RPIA: variants seen among roughly 807,000 people sequenced by gnomAD.
RPIA encodes ribose 5-phosphate isomerase A, also known as ribose-5-phosphate isomerase.
In RPIA, 29 loss-of-function variants were observed where a neutral mutation model predicts 37.8. The observed-to-expected ratio is 0.77, with a 90% CI of 0.57 to 1.05. RPIA has a LOEUF of 1.05. Among genes scored for constraint, RPIA ranks in the 50% least tolerant of loss-of-function variants. RPIA has a pLI of 0.00. For synonymous variants in RPIA, 167 were observed against 157.0 expected, an observed-to-expected ratio of 1.06 and a Z score of -0.48; for missense variants, 385 against 413.6, an observed-to-expected ratio of 0.93 and a Z score of 0.60.
intron 8 of RPIA, among the ~76,000 whole-genome samples, chr2:88,744,751 C>G (rs1673421825): frequency 6.6e-6 from 1 of 151,964 alleles, no homozygotes; most frequent in Non-Finnish European, 1.5e-5. Flanking sequence ...ATATAATGTT[C>G]CTCTTTGTCT....
intron 7 of RPIA, 51 bp from the exon 8 acceptor site, chr2:88,737,926 T>C (rs765936895): frequency 7.3e-7 from 1 of 1,377,744 alleles, no homozygotes; most frequent in South Asian, 1.2e-5. Flanking sequence ...CCTGTCCTTC[T>C]CTGCCTACCT....
At position 88,691,730 on chromosome 2, in the gene RPIA, A is replaced by G; in HGVS notation, c.32A>G (p.Tyr11Cys). 3.1e-6 allele frequency: 5 copies of G among 1,593,668 alleles called. No homozygotes were observed. The highest frequency in any genetic ancestry group is 4.3e-6 in the Non-Finnish European group (5 of 1,175,186). ...CGCCCCGGGCCCTTCAGCACCCTCT[A>G]CGGGCGGGTCTTGGCCCCGCTGCCC... MQRPGPFSTL[Y>C]GRVLAPLPGR... Residue 11 changes from tyrosine (Y) to cysteine (C), a missense_variant, in exon 1 of 9, where the codon TAC (tyrosine) becomes TGC (cysteine). Physicochemically the swap from Tyr to Cys is radical, Grantham distance 194. Coordinates refer to ENST00000283646, the MANE Select transcript of RPIA (RefSeq NM_144563.3).
At chr2:88,705,475 A>G (rs1018567257) in intron 3 of RPIA, among the ~76,000 whole-genome samples, 4 of 152,232 alleles carry the variant, frequency 2.6e-5, no homozygotes. Context: ...TCCCTATTTA[A>G]TAAATGGTGC....
intron 3 of RPIA, among the ~76,000 whole-genome samples, chr2:88,726,850 C>G (rs999546665): frequency 2.0e-5 from 3 of 152,152 alleles, no homozygotes; most frequent in Non-Finnish European, 4.4e-5. Flanking sequence ...TCAGATGATC[C>G]TCCTGCCTCA....
intron 3 of RPIA, among the ~76,000 whole-genome samples, chr2:88,720,996 A>G (rs904251782): frequency 6.6e-6 from 1 of 152,232 alleles, no homozygotes; most frequent in African/African-American, 2.4e-5. Context: ...CTGGATAAAG[A>G]AAATGTGGCA....
At chr2:88,721,544 TACACAC>T (rs748522109) in intron 3 of RPIA, among the ~76,000 whole-genome samples, 230 of 82,898 alleles carry the variant, frequency 2.8e-3, no homozygotes, top group African/African-American at 4.1e-3. Flanking sequence ...ATATATATTA[TACACAC>T]ACACACACAC....
chr2:88,715,214 G>A (rs992700817), intron 3 of RPIA, among the ~76,000 whole-genome samples: 1 of 152,226 alleles, frequency 6.6e-6, no homozygotes, highest in African/African-American at 2.4e-5. Context: ...ATGGGTTGAA[G>A]TGTGGAGATG....
intron 1 of RPIA, among the ~76,000 whole-genome samples, chr2:88,692,387 GA>G (rs1676948676): frequency 6.6e-6 from 1 of 152,180 alleles, no homozygotes; most frequent in Admixed American, 6.5e-5. Context: ...GAAGCCGGCG[GA>G]GAGTTGGTTT....
chr2:88,714,112 T>A (rs1673002190), intron 3 of RPIA, among the ~76,000 whole-genome samples: 2 of 152,088 alleles, frequency 1.3e-5, no homozygotes, highest in South Asian at 2.1e-4. Flanking sequence ...TATTGTTGGA[T>A]TGTTTGGTCT....
rs577973222 is a variant in RPIA, at chr2:88,705,354, G to A, written c.402+5290G>A. ...CAATAACTAAAACAGCATGGTACTG[G>A]TACAGCAGACACACAGACCAATGGA... On this transcript the variant is annotated intron_variant, in intron 3 of 8. Coordinates refer to ENST00000283646, the MANE Select transcript of RPIA (RefSeq NM_144563.3). 3.9e-5 allele frequency among the ~76,000 whole-genome samples: 6 copies of A among 152,246 alleles called. No homozygotes were observed. In the South Asian group the frequency reaches 1.2e-3, roughly 32 times the overall value.
chr2:88,710,787 T>C (rs1328408283), intron 3 of RPIA, among the ~76,000 whole-genome samples: 1 of 152,202 alleles, frequency 6.6e-6, no homozygotes, highest in Non-Finnish European at 1.5e-5. Flanking sequence ...TTTAAATGTC[T>C]CTCCTCCCTT....
chr2:88,698,888 G>C (rs981658104), intron 2 of RPIA, among the ~76,000 whole-genome samples: 5 of 152,252 alleles, frequency 3.3e-5, no homozygotes, highest in Non-Finnish European at 7.3e-5. Context: ...TCCTCAGGCA[G>C]ATAATTGAGG....
intron 1 of RPIA, 51 bp downstream of exon 1, chr2:88,692,034 G>T: frequency 6.5e-7 from 1 of 1,530,396 alleles, no homozygotes; most frequent in South Asian, 1.2e-5. Context: ...GGCGTGATGG[G>T]CTACTGTTGC....
chr2:88,703,366 C>T (rs1292207915), intron 3 of RPIA, among the ~76,000 whole-genome samples: 1 of 152,240 alleles, frequency 6.6e-6, no homozygotes, highest in Non-Finnish European at 1.5e-5. Context: ...CCCACTCCTG[C>T]AGCAAACTTC....
intron 3 of RPIA, among the ~76,000 whole-genome samples, chr2:88,720,475 A>T (rs1296437208): frequency 6.6e-6 from 1 of 152,090 alleles, no homozygotes; most frequent in African/African-American, 2.4e-5. Context: ...TGAGCTGAAA[A>T]TGAGTTGGAG....
At position 88,715,391 on chromosome 2, in the gene RPIA, T is replaced by G. The variant is rs570730264; in HGVS notation, c.403-13887T>G. Among the ~76,000 whole-genome samples, 6 of 152,320 alleles carry G rather than the reference T, an allele frequency of 3.9e-5. No individual in the cohort carries two copies. The East Asian group carries it at 1.2e-3, about 29-fold the overall frequency. On this transcript the variant is annotated intron_variant, in intron 3 of 8. Transcript: ENST00000283646. ...AATCATAAGCAATTCTTAAAAGCCT[T>G]ATGATTCTAATTAATGTCAGAGATC...
intron 8 of RPIA, among the ~76,000 whole-genome samples, chr2:88,740,914 A>G (rs1196959764): frequency 6.6e-6 from 1 of 152,160 alleles, no homozygotes; most frequent in Admixed American, 6.5e-5. Context: ...CATCTTTGGA[A>G]GGATCCAGTT....
Position 88,729,238 on chromosome 2 carries a change from C to G in RPIA, c.403-40C>G, listed in dbSNP as rs774389187. ...ATTCTGAGAATCCTTGTCATGAACT[C>G]AAGTAAATGATCGTGGTTGCTCTTC... On this transcript the variant is annotated intron_variant, in intron 3 of 8. Transcript: ENST00000283646. 46 of 1,602,518 alleles carry G rather than the reference C, an allele frequency of 2.9e-5. No homozygotes were observed. The Middle Eastern group carries it at 4.9e-4, about 17-fold the overall frequency.
Position 88,698,522 on chromosome 2 carries a change from T to A in RPIA, c.324T>A (p.Ile108=). The change falls in exon 2 of 9, where the codon ATT becomes ATA. Residue 108 remains isoleucine, a synonymous_variant. Transcript: ENST00000283646. Reference sequence around the variant, plus strand: ...TGGGAATTGGAAGTGGTTCTACAATTGTCCATGCTGTGCAGCGAATAGGTA... The same window carrying A: ...TGGGAATTGGAAGTGGTTCTACAATAGTCCATGCTGTGCAGCGAATAGGTA... ...QVLGIGSGST[I]VHAVQRIAER... 6.2e-7 allele frequency: 1 copy of A among 1,614,228 alleles called. No individual in the cohort carries two copies. Among genetic ancestry groups the A allele is most frequent in the East Asian group, 2.2e-5 (1 of 44,888 alleles).
Sources: allele counts gnomAD v4.1 joint callset (sites outside exome capture counted in the v4.1 genomes callset), GRCh38; gene constraint gnomAD v4.1.1; transcripts MANE v1.5; gene names NCBI Gene and HGNC (gene_info 2026-07-23, HGNC 2026-07-21).